The following MTF2 variants were observed in gnomAD, a reference collection of about 807,000 sequenced individuals.
MTF2 encodes metal response element binding transcription factor 2, also known as metal-response element-binding transcription factor 2.
Under a neutral mutation model 79.5 loss-of-function variants are expected in MTF2, and 11 were observed. The ratio of observed to expected loss-of-function variants is 0.14; its 90% CI spans 0.09 to 0.23. The LOEUF (loss-of-function observed/expected upper bound fraction) is 0.23, where lower values mean the gene tolerates loss of function less well. Ranked by LOEUF, MTF2 falls within the 10% of genes least tolerant of loss-of-function variation. MTF2 has a pLI of 1.00. For missense variants in MTF2, 486 were observed against 711.2 expected (o/e 0.68, Z 3.60); for synonymous variants, 208 against 232.8 (o/e 0.89, Z 0.97).
At chr1:93,132,924 TATC>T (rs1427675879) in intron 11 of MTF2, among the ~76,000 whole-genome samples, 1 of 152,146 alleles carries the variant, frequency 6.6e-6, no homozygotes, top group Non-Finnish European at 1.5e-5. Flanking sequence ...TATTATCTAA[TATC>T]ATCTTTATAT....
chr1:93,090,884 C>T (rs997950435), intron 1 of MTF2, among the ~76,000 whole-genome samples: 1 of 151,514 alleles, frequency 6.6e-6, no homozygotes, highest in Non-Finnish European at 1.5e-5. Flanking sequence ...AGGATGGTCT[C>T]GATCTCCTGA....
intron 14 of MTF2, among the ~76,000 whole-genome samples, chr1:93,135,573 C>T (rs1647356368): frequency 6.6e-6 from 1 of 151,912 alleles, no homozygotes; most frequent in Non-Finnish European, 1.5e-5. Flanking sequence ...GTGGCTTATG[C>T]CTATAATCCC....
chr1:93,089,326 G>C (rs1029229725), intron 1 of MTF2, among the ~76,000 whole-genome samples: 2 of 152,176 alleles, frequency 1.3e-5, no homozygotes, highest in African/African-American at 4.8e-5. Flanking sequence ...ATATTTGCTT[G>C]ATAAATGGAG....
intron 1 of MTF2, among the ~76,000 whole-genome samples, chr1:93,104,021 C>T (rs984308111): frequency 1.3e-5 from 2 of 151,786 alleles, no homozygotes; most frequent in Non-Finnish European, 2.9e-5. Flanking sequence ...TCACTGAAGC[C>T]TCTACCTCCT....
At chr1:93,107,298 C>T (rs1389595653) in intron 1 of MTF2, among the ~76,000 whole-genome samples, 1 of 152,158 alleles carries the variant, frequency 6.6e-6, no homozygotes, top group Non-Finnish European at 1.5e-5. Context: ...AATCTTGGCT[C>T]ATTGCAACGT....
At chr1:93,086,904 G>C (rs1654862462) in intron 1 of MTF2, among the ~76,000 whole-genome samples, 1 of 152,152 alleles carries the variant, frequency 6.6e-6, no homozygotes, top group South Asian at 2.1e-4. Context: ...AAGGGTTTTA[G>C]GATTTTAGGC....
intron 6 of MTF2, among the ~76,000 whole-genome samples, 160 bp from the exon 7 acceptor site, chr1:93,118,185 T>C (rs1168289336): frequency 6.6e-6 from 1 of 152,066 alleles, no homozygotes; most frequent in Non-Finnish European, 1.5e-5. Context: ...ATAAGCCTTT[T>C]TGGGAAAGGA....
chr1:93,119,550 C>G (rs899732283), intron 8 of MTF2, 149 bp downstream of exon 8: 22 of 579,200 alleles, frequency 3.8e-5, no homozygotes, highest in Non-Finnish European at 6.7e-5. Context: ...TGCCTGATGT[C>G]ATCTTCACTA....
chr1:93,128,143 T>C (rs1186053411), intron 10 of MTF2, among the ~76,000 whole-genome samples: 2 of 152,212 alleles, frequency 1.3e-5, no homozygotes, highest in South Asian at 2.1e-4. Flanking sequence ...TGAGCAGTTA[T>C]TGTGCTGGTA....
At chr1:93,135,404 A>G (rs920218643) in intron 14 of MTF2, among the ~76,000 whole-genome samples, 1 of 152,238 alleles carries the variant, frequency 6.6e-6, no homozygotes, top group Non-Finnish European at 1.5e-5. Context: ...CTGCTGTTAT[A>G]AATTATGCAA....
intron 1 of MTF2, among the ~76,000 whole-genome samples, chr1:93,097,739 A>G (rs923592789): frequency 2.0e-5 from 3 of 152,104 alleles, no homozygotes; most frequent in African/African-American, 7.2e-5. Flanking sequence ...CTGGGGTTAC[A>G]GGTGCATGCC....
intron 1 of MTF2, among the ~76,000 whole-genome samples, chr1:93,100,395 C>A (rs1037985719): frequency 1.3e-5 from 2 of 152,170 alleles, no homozygotes; most frequent in Non-Finnish European, 2.9e-5. Context: ...ACCTCCGCCT[C>A]CCAGGTTCAC....
chr1:93,126,090 C>CT (rs1656683217), intron 9 of MTF2, among the ~76,000 whole-genome samples: 1 of 151,766 alleles, frequency 6.6e-6, no homozygotes, highest in Non-Finnish European at 1.5e-5. Flanking sequence ...TCATTAGACC[C>CT]TTCAGAAATT....
intron 7 of MTF2, 125 bp from the exon 8 acceptor site, chr1:93,119,208 A>G (rs1292745935): frequency 7.6e-6 from 5 of 653,904 alleles, no homozygotes; most frequent in South Asian, 2.0e-5. Context: ...TTTAAATTAT[A>G]TTTTGTTTTG....
rs1655495986 is a variant in MTF2 at position 93,100,715 on chromosome 1, G to A, written c.6-9515G>A. Reference sequence around the variant, plus strand: ...GGTTCTCTTTGACATTCTACTTTCAGGGAAACCTTAACCAGAAAGAAGGCA... The same window carrying A: ...GGTTCTCTTTGACATTCTACTTTCAAGGAAACCTTAACCAGAAAGAAGGCA... On this transcript the variant is annotated intron_variant, in intron 1 of 14. Coordinates refer to ENST00000370298, the MANE Select transcript of MTF2 (RefSeq NM_007358.4). Among the ~76,000 whole-genome samples, 6 of 152,222 alleles carry A rather than the reference G, an allele frequency of 3.9e-5. No homozygotes were observed. The South Asian group carries it at 1.2e-3, about 32-fold the overall frequency.
At position 93,079,396 on chromosome 1, in the gene MTF2, G is replaced by A; in HGVS notation, c.-131G>A. The A allele has an allele frequency of 1.8e-6, 2 of 1,138,782 alleles. No homozygotes were observed. Among genetic ancestry groups the A allele is most frequent in the South Asian group, 1.3e-5 (1 of 78,736 alleles). The allele number at this position is 1,138,782 out of a possible 1,614,324, so 70.5% of individuals were successfully genotyped here. A position where few individuals can be genotyped will look rare whatever the true frequency, so the allele number is the denominator to read the frequency against. On this transcript the variant is annotated 5_prime_UTR_variant, in exon 1 of 15. Transcript: ENST00000370298. Reference sequence around the variant, plus strand: ...CTTGTCTCCAAGGACCTCGGTTTGTGCGTGCATATGTGCCGGGTACCCGGT... The same window carrying A: ...CTTGTCTCCAAGGACCTCGGTTTGTACGTGCATATGTGCCGGGTACCCGGT...
At chr1:93,119,560 A>G in intron 8 of MTF2, 159 bp downstream of exon 8, 2 of 569,164 alleles carry the variant, frequency 3.5e-6, no homozygotes, top group Non-Finnish European at 6.2e-6. Context: ...CATCTTCACT[A>G]AGTAACATCC....
chr1:93,119,573 T>C, intron 8 of MTF2, 172 bp downstream of exon 8: 1 of 550,986 alleles, frequency 1.8e-6, no homozygotes, highest in South Asian at 2.8e-5. Flanking sequence ...TAACATCCAC[T>C]TGTATTGCTA....
At chr1:93,127,398 A>C (rs762447992) in intron 10 of MTF2, 99 bp downstream of exon 10, 9 of 764,122 alleles carry the variant, frequency 1.2e-5, no homozygotes, top group Non-Finnish European at 1.8e-5. Context: ...TGTACAGAAG[A>C]AGTCTATACC....
Sources: allele counts gnomAD v4.1 joint callset (sites outside exome capture counted in the v4.1 genomes callset), GRCh38; gene constraint gnomAD v4.1.1; transcripts MANE v1.5; gene names NCBI Gene and HGNC (gene_info 2026-07-23, HGNC 2026-07-21).